TMPRSS5: variants seen among roughly 807,000 people sequenced by gnomAD.
TMPRSS5 encodes the protein transmembrane protease serine 5.
A neutral mutation model predicts 59.7 loss-of-function variants in TMPRSS5; 45 were observed. That is an observed-to-expected ratio of 0.75 (90% confidence interval 0.59 to 0.97). TMPRSS5 has a LOEUF of 0.97. Ranked by LOEUF, TMPRSS5 falls within the 50% of genes least tolerant of loss-of-function variation. The pLI, the probability that TMPRSS5 is intolerant of heterozygous loss-of-function variation, is 0.00. For missense variants in TMPRSS5, 585 were observed against 596.7 expected (o/e 0.98, Z 0.20); for synonymous variants, 225 against 232.0 (o/e 0.97, Z 0.27).
Position 113,699,006 on chromosome 11 carries a change from G to A in TMPRSS5, c.227C>T (p.Ala76Val), listed in dbSNP as rs1397178455. 6.2e-7 allele frequency: 1 copy of A among 1,611,584 alleles called. No homozygotes were observed. The highest frequency in any genetic ancestry group is 1.7e-5 in the Admixed American group (1 of 59,750). Reference sequence around the variant, plus strand: ...CAAGGTCCCGGAAATGGGCTGAGAGGCAGCAGGACACAGATACAGCACTTT... The same window carrying A: ...CAAGGTCCCGGAAATGGGCTGAGAGACAGCAGGACACAGATACAGCACTTT... Reference protein sequence around the residue: ...WLLVLYLCPAASQPISGTLQD... With the variant: ...WLLVLYLCPAVSQPISGTLQD... The change falls in exon 4 of 13, where the codon GCC (alanine) becomes GTC (valine). Residue 76 changes from alanine to valine, a missense_variant. Physicochemically the swap from Ala to Val is moderately conservative, Grantham distance 64. Coordinates refer to ENST00000299882, the MANE Select transcript of TMPRSS5 (RefSeq NM_030770.4).
In TMPRSS5 at chr11:113,693,260, G is replaced by C. The variant is rs767016581; in HGVS notation, c.786-11C>G. On this transcript the variant is annotated splice_polypyrimidine_tract_variant and intron_variant, in intron 8 of 12. Transcript: ENST00000299882. ...CGGGCCAGCCTGAAACTGCACACAG[G>C]GGCCATGCTGAGCGGGGAAGGAAGG... 5.9e-6 allele frequency: 9 copies of C among 1,537,280 alleles called. No homozygotes were observed. The Admixed American group carries it at 1.6e-4, about 27-fold the overall frequency.
chr11:113,690,898 A>G lies in TMPRSS5; in HGVS notation c.1006T>C (p.Phe336Leu). 6.3e-7 allele frequency: 1 copy of G among 1,598,222 alleles called. No individual in the cohort carries two copies. The highest frequency in any genetic ancestry group is 8.5e-7 in the Non-Finnish European group (1 of 1,172,998). The change falls in exon 10 of 13, where the codon TTT becomes CTT. Residue 336 changes from phenylalanine (F) to leucine (L), a missense_variant. Coordinates refer to ENST00000299882, the MANE Select transcript of TMPRSS5 (RefSeq NM_030770.4). The stretch of plus-strand genomic sequence containing the variant: ...ACCCAGCACCGCGAGCCCTTCGGAA[A>G]ATGCTGTTCCTTGGCCGGCAGGCAC... ...AVCLPAKEQH[F>L]PKGSRCWVSG... is the part of the protein sequence containing the mutation.
Position 113,706,128 on chromosome 11 carries a change from C to A in TMPRSS5, c.3+94G>T, listed in dbSNP as rs375772478. Reference sequence around the variant, plus strand: ...TGTACCAGAGCTGCCTCAGGAGGCTCTTTCCACCAGCCTAGAATCCCAAGG... The same window carrying A: ...TGTACCAGAGCTGCCTCAGGAGGCTATTTCCACCAGCCTAGAATCCCAAGG... On this transcript the variant is annotated intron_variant, in intron 1 of 12. Coordinates refer to ENST00000299882, the MANE Select transcript of TMPRSS5 (RefSeq NM_030770.4). The A allele has an allele frequency of 8.7e-5, 128 of 1,479,326 alleles. No individual in the cohort carries two copies. In the African/African-American group the frequency reaches 1.4e-3, roughly 16 times the overall value. 91.6% of individuals were successfully genotyped at this position (1,479,326 alleles called of 1,614,324 possible).
intron 1 of TMPRSS5, among the ~76,000 whole-genome samples, chr11:113,705,787 T>A (rs1162263024): frequency 6.6e-6 from 1 of 152,198 alleles, no homozygotes; most frequent in East Asian, 1.9e-4. Flanking sequence ...AGTCTTTTCT[T>A]CTGCCTCAGT....
intron 1 of TMPRSS5, among the ~76,000 whole-genome samples, chr11:113,703,940 G>C (rs974163276): frequency 6.6e-6 from 1 of 152,186 alleles, no homozygotes; most frequent in African/African-American, 2.4e-5. Flanking sequence ...TGTGAGAACA[G>C]ACTAATACAC....
At position 113,690,506 on chromosome 11, in the gene TMPRSS5, A is replaced by T. The variant is rs755765230; in HGVS notation, c.1064-133T>A. ...GGCGAGCCCAGGGTGGGAGCTGTGG[A>T]CGCTGAGCAAGGAAGCAGTAGGCTA... On this transcript the variant is annotated intron_variant, in intron 10 of 12. Coordinates refer to ENST00000299882, the MANE Select transcript of TMPRSS5 (RefSeq NM_030770.4). 1.1e-4 allele frequency: 150 copies of T among 1,363,846 alleles called. 3 individuals are homozygous for T. Among genetic ancestry groups the T allele is most frequent in the South Asian group, 8.7e-4 (59 of 67,726 alleles). 84.5% of individuals were successfully genotyped at this position (1,363,846 alleles called of 1,614,324 possible).
At chr11:113,694,845 C>T (rs1405997516) in intron 7 of TMPRSS5, among the ~76,000 whole-genome samples, 1 of 152,172 alleles carries the variant, frequency 6.6e-6, no homozygotes, top group East Asian at 1.9e-4. Context: ...TGTGGGCCCA[C>T]TGAAAGCAGA....
intron 1 of TMPRSS5, among the ~76,000 whole-genome samples, chr11:113,701,361 G>A (rs1013456166): frequency 6.6e-6 from 1 of 152,090 alleles, no homozygotes; most frequent in African/African-American, 2.4e-5. Context: ...GGCTGAGGTG[G>A]TCTCAGATGG....
intron 9 of TMPRSS5, 128 bp from the exon 10 acceptor site, chr11:113,691,067 T>C: frequency 1.2e-6 from 1 of 835,104 alleles, no homozygotes; most frequent in Non-Finnish European, 1.9e-6. Flanking sequence ...GCTCCTGGGT[T>C]CCACCAGCCA....
chr11:113,690,887 G>A lies in TMPRSS5; in HGVS notation c.1017C>T (p.Gly339=), dbSNP rs186244114. ...LPAKEQHFPK[G]SRCWVSGWGH... is the part of the protein sequence containing the mutation. ...CCCAGCCAGACACCCAGCACCGCGA[G>A]CCCTTCGGAAAATGCTGTTCCTTGG... The change falls in exon 10 of 13, where the codon GGC becomes GGT. Residue 339 remains glycine (G), a synonymous_variant. Transcript: ENST00000299882. The A allele has an allele frequency of 7.1e-3, 11,282 of 1,597,918 alleles. 63 individuals are homozygous for A. The highest frequency in any genetic ancestry group is 8.7e-3 in the Non-Finnish European group (10,216 of 1,172,866).
At chr11:113,698,877 G>A (rs1451638348) in intron 4 of TMPRSS5, 28 bp downstream of exon 4, 1 of 1,570,888 alleles carries the variant, frequency 6.4e-7, no homozygotes, top group Non-Finnish European at 8.6e-7. Context: ...TGGGGAGGGA[G>A]GCCCGTAGCC....
Position 113,706,274 on chromosome 11 carries a change from C to A in TMPRSS5, c.-50G>T, listed in dbSNP as rs1360633627. ...GCCTCAGGGTCTACTAGGCAATGTT[C>A]CGCTCCTGTTCTCAGGCCAGCATTG... On this transcript the variant is annotated 5_prime_UTR_variant, in exon 1 of 13. Transcript: ENST00000299882. The A allele has an allele frequency of 1.3e-6, 2 of 1,591,984 alleles. No homozygotes were observed. The highest frequency in any genetic ancestry group is 1.3e-5 in the African/African-American group (1 of 74,398).
intron 4 of TMPRSS5, 126 bp from the exon 5 acceptor site, chr11:113,697,544 C>A (rs1003812967): frequency 9.8e-6 from 11 of 1,127,454 alleles, no homozygotes; most frequent in Non-Finnish European, 1.4e-5. Context: ...TCACCCAGTG[C>A]CAAGTTCCCT....
At chr11:113,701,113 C>G (rs1848702) in intron 1 of TMPRSS5, among the ~76,000 whole-genome samples, 44,035 of 152,150 alleles carry the variant, frequency 0.29, 6,966 homozygotes, top group Middle Eastern at 0.37. Flanking sequence ...TTATAAATTA[C>G]TCAGTCTCCA....
rs1390653864 is a variant in TMPRSS5 at position 113,688,280 on chromosome 11, C to G, written c.1360-6G>C. 1.9e-6 allele frequency: 3 copies of G among 1,570,026 alleles called. No homozygotes were observed. The highest frequency in any genetic ancestry group is 2.6e-6 in the Non-Finnish European group (3 of 1,154,400). On this transcript the variant is annotated splice_polypyrimidine_tract_variant and splice_region_variant and intron_variant, in intron 12 of 12. Coordinates refer to ENST00000299882, the MANE Select transcript of TMPRSS5 (RefSeq NM_030770.4). ...AGGACTCAGAGGAGGGAGTCCTAGA[C>G]CAAAAGGGAAAGGAACTGATTCACA...
In TMPRSS5 at chr11:113,696,946, G is replaced by A. The variant is rs181550358; in HGVS notation, c.490C>T (p.Leu164Phe). Reference protein sequence around the residue: ...LRLTHHKGVNLTDIKLNSSQE... With the variant: ...LRLTHHKGVNFTDIKLNSSQE... ...GAACTGTTGAGTTTGATGTCAGTGAGGTTTACTCCCTTGTGGTGAGTGAGT... is the reference window on the plus strand; with the variant it reads ...GAACTGTTGAGTTTGATGTCAGTGAAGTTTACTCCCTTGTGGTGAGTGAGT... The change falls in exon 6 of 13, where the codon CTC becomes TTC. Residue 164 changes from leucine (L) to phenylalanine (F), a missense_variant. Physicochemically the swap from Leu to Phe is conservative, Grantham distance 22. Coordinates refer to ENST00000299882, the MANE Select transcript of TMPRSS5 (RefSeq NM_030770.4). The A allele has an allele frequency of 3.4e-5, 54 of 1,579,228 alleles. 1 individual carries two copies. The Admixed American group carries it at 6.4e-4, about 19-fold the overall frequency.
intron 4 of TMPRSS5, among the ~76,000 whole-genome samples, chr11:113,698,685 C>T (rs1952996492): frequency 6.6e-6 from 1 of 152,250 alleles, no homozygotes; most frequent in Non-Finnish European, 1.5e-5. Context: ...GTCTCCGGAC[C>T]TTGCCCCAGC....
intron 10 of TMPRSS5, 85 bp downstream of exon 10, chr11:113,690,756 G>T: frequency 2.4e-6 from 3 of 1,256,308 alleles, no homozygotes; most frequent in African/African-American, 1.5e-5. Flanking sequence ...CTGTCATGTG[G>T]CCAGGGGATG....
intron 8 of TMPRSS5, 36 bp from the exon 9 acceptor site, chr11:113,693,285 G>T: frequency 6.8e-7 from 1 of 1,480,338 alleles, no homozygotes; most frequent in South Asian, 1.4e-5. Context: ...GGGAAGGAAG[G>T]GGCAGAAGAG....
Sources: allele counts gnomAD v4.1 joint callset (sites outside exome capture counted in the v4.1 genomes callset), GRCh38; gene constraint gnomAD v4.1.1; transcripts MANE v1.5; gene names NCBI Gene and HGNC (gene_info 2026-07-23, HGNC 2026-07-21).